The following BMPR2 variants were observed in gnomAD, a reference collection of about 807,000 sequenced individuals.
BMPR2 encodes the protein bone morphogenetic protein receptor type 2, also known as bone morphogenetic protein receptor type-2.
BMPR2 carries 29 observed loss-of-function variants against 100.8 expected under a neutral mutation model. That is an observed-to-expected ratio of 0.29 (90% CI 0.21 to 0.39). BMPR2 has a LOEUF of 0.39. BMPR2 is among the 10% of genes least tolerant of loss of function. The pLI is 1.00. For missense variants in BMPR2, 1,011 were observed against 1,274.5 expected (o/e 0.79, Z 3.15); for synonymous variants, 382 against 442.3 (o/e 0.86, Z 1.71).
rs142268317 is a variant in BMPR2, at chr2:202,407,062, A to G, written c.76+29512A>G. 6.3e-3 allele frequency among the ~76,000 whole-genome samples: 952 copies of G among 150,948 alleles called. 13 individuals are homozygous for G. The highest frequency in any genetic ancestry group is 0.022 in the African/African-American group (886 of 41,056). On this transcript the variant is annotated intron_variant, in intron 1 of 12. Coordinates refer to ENST00000374580, the MANE Select transcript of BMPR2 (RefSeq NM_001204.7). ...TCCTAGGCTCAAGTGATTCTCCTGCATTAGCCTCCCAAGTAGTTTGAACTA... is the reference window on the plus strand; with the variant it reads ...TCCTAGGCTCAAGTGATTCTCCTGCGTTAGCCTCCCAAGTAGTTTGAACTA...
chr2:202,405,801 A>T (rs1327696294), intron 1 of BMPR2, among the ~76,000 whole-genome samples: 1 of 152,072 alleles, frequency 6.6e-6, no homozygotes, highest in Non-Finnish European at 1.5e-5. Context: ...TTTTAAAAAA[A>T]TTTATCATCT....
chr2:202,531,170 G>T (rs369779757), intron 8 of BMPR2, among the ~76,000 whole-genome samples: 5 of 152,210 alleles, frequency 3.3e-5, no homozygotes, highest in African/African-American at 1.2e-4. Context: ...GGGCACAGTG[G>T]CACGCACCTG....
At chr2:202,515,531 A>G (rs998617438) in intron 5 of BMPR2, among the ~76,000 whole-genome samples, 6 of 150,932 alleles carry the variant, frequency 4.0e-5, no homozygotes, top group Non-Finnish European at 5.9e-5. Flanking sequence ...AGATCGCACC[A>G]TTGCACTCTA....
intron 1 of BMPR2, among the ~76,000 whole-genome samples, chr2:202,405,687 C>CAAAA (rs397987374): frequency 3.5e-4 from 22 of 62,230 alleles, no homozygotes; most frequent in African/African-American, 8.5e-4. Context: ...GACTCCGCCT[C>CAAAA]AAAAAAAAAA....
At chr2:202,464,159 CAAAAAA>C (rs71406983) in intron 1 of BMPR2, among the ~76,000 whole-genome samples, 4 of 62,970 alleles carry the variant, frequency 6.4e-5, no homozygotes, top group South Asian at 6.8e-4. Flanking sequence ...AACTCTGTCT[CAAAAAA>C]AAAAAAAAAA....
At chr2:202,534,710 T>C (rs1055655813) in intron 9 of BMPR2, among the ~76,000 whole-genome samples, 3 of 151,584 alleles carry the variant, frequency 2.0e-5, no homozygotes, top group African/African-American at 7.3e-5. Context: ...TTTCCCCACC[T>C]TTCCCGCCTT....
At position 202,560,313 on chromosome 2, in the gene BMPR2, CAG is replaced by C. The variant is rs1347893278; in HGVS notation, c.*369_*370del. Reference sequence around the variant, plus strand: ...GACCAGTTTCTTAAGGTCATTAAAACAGAAGCAAATTAAGACAGGTTTGACTG... The same window carrying C: ...GACCAGTTTCTTAAGGTCATTAAAACAAGCAAATTAAGACAGGTTTGACTG... On this transcript the variant is annotated 3_prime_UTR_variant, in exon 13 of 13. Transcript: ENST00000374580. The C allele has an allele frequency of 4.1e-6, 1 of 242,486 alleles. No individual in the cohort carries two copies. The highest frequency in any genetic ancestry group is 8.2e-6 in the Non-Finnish European group (1 of 122,556). The allele number at this position is 242,486 out of a possible 1,614,324, so 15.0% of individuals were successfully genotyped here.
chr2:202,499,335 G>C (rs942406500), intron 3 of BMPR2, among the ~76,000 whole-genome samples: 4 of 152,210 alleles, frequency 2.6e-5, no homozygotes, highest in African/African-American at 9.6e-5. Context: ...CGAGAGTTTG[G>C]AGATACCTGG....
chr2:202,401,926 A>G (rs1401503289), intron 1 of BMPR2, among the ~76,000 whole-genome samples: 1 of 152,248 alleles, frequency 6.6e-6, no homozygotes, highest in East Asian at 1.9e-4. Flanking sequence ...TAAAATGAAC[A>G]TGCTGCAAAA....
At chr2:202,445,210 A>T (rs986766238) in intron 1 of BMPR2, among the ~76,000 whole-genome samples, 1 of 150,002 alleles carries the variant, frequency 6.7e-6, no homozygotes, top group Admixed American at 6.6e-5. Flanking sequence ...AAACATTTTT[A>T]TTTATTTATT....
At chr2:202,478,463 T>A (rs1692592107) in intron 3 of BMPR2, among the ~76,000 whole-genome samples, 3 of 152,238 alleles carry the variant, frequency 2.0e-5, no homozygotes, top group African/African-American at 7.2e-5. Flanking sequence ...TCTTTTTAAG[T>A]TAACAGGGCA....
chr2:202,553,443 GAACTA>G (rs1553512579), intron 11 of BMPR2, among the ~76,000 whole-genome samples: 2 of 151,912 alleles, frequency 1.3e-5, no homozygotes, highest in Non-Finnish European at 2.9e-5. Flanking sequence ...TTCTTTGTTA[GAACTA>G]TGATTTTTGG....
intron 6 of BMPR2, 78 bp downstream of exon 6, chr2:202,519,130 G>A (rs1237742269): frequency 2.1e-6 from 3 of 1,439,184 alleles, no homozygotes; most frequent in East Asian, 4.5e-5. Context: ...TGGAGGCTAA[G>A]GCAGGTGGAT....
intron 1 of BMPR2, among the ~76,000 whole-genome samples, chr2:202,382,505 T>C (rs1327135815): frequency 6.6e-6 from 1 of 152,254 alleles, no homozygotes; most frequent in Admixed American, 6.5e-5. Context: ...ATCAGTTTTA[T>C]GTATTTGCCT....
intron 1 of BMPR2, among the ~76,000 whole-genome samples, chr2:202,389,654 T>A (rs947532390): frequency 8.6e-5 from 13 of 151,992 alleles, no homozygotes; most frequent in Admixed American, 1.3e-4. Context: ...ATTTATTTTT[T>A]TTTTTTTGAG....
At chr2:202,436,251 G>A (rs2105935275) in intron 1 of BMPR2, among the ~76,000 whole-genome samples, 1 of 150,564 alleles carries the variant, frequency 6.6e-6, no homozygotes, top group South Asian at 2.1e-4. Context: ...CCCAGAGTTA[G>A]AGACCAGCCT....
intron 1 of BMPR2, among the ~76,000 whole-genome samples, chr2:202,463,939 C>T (rs1327015535): frequency 6.6e-6 from 1 of 152,010 alleles, no homozygotes; most frequent in Admixed American, 6.6e-5. Flanking sequence ...TTGGGTGGAT[C>T]ATCTGAAGTC....
intron 1 of BMPR2, among the ~76,000 whole-genome samples, chr2:202,427,322 T>C (rs1247484583): frequency 7.4e-6 from 1 of 135,990 alleles, no homozygotes; most frequent in East Asian, 2.2e-4. Flanking sequence ...ATCGCGCCAC[T>C]GCACTTCAGC....
At chr2:202,490,645 A>G (rs1210071192) in intron 3 of BMPR2, among the ~76,000 whole-genome samples, 1 of 152,218 alleles carries the variant, frequency 6.6e-6, no homozygotes, top group Non-Finnish European at 1.5e-5. Flanking sequence ...ATATGCCAGA[A>G]TTTCTCCAGT....
Sources: gnomAD v4.1 joint callset for allele counts (sites outside exome capture counted in the v4.1 genomes callset) on GRCh38, gnomAD v4.1.1 for gene constraint, MANE v1.5 for transcripts, NCBI Gene and HGNC (gene_info 2026-07-23, HGNC 2026-07-21) for gene names.